FBXL13: variants seen among roughly 807,000 people sequenced by gnomAD.
FBXL13 encodes F-box and leucine-rich repeat protein 13.
Under a neutral mutation model 83.6 loss-of-function variants are expected in FBXL13, and 67 were observed. The observed-to-expected ratio is 0.80, with a 90% confidence interval of 0.66 to 0.98. The LOEUF is 0.98. Among genes scored for constraint, FBXL13 ranks in the 50% least tolerant of loss-of-function variants. FBXL13 has a pLI of 0.00. For missense variants in FBXL13, 822 were observed against 866.5 expected (o/e 0.95, Z 0.64); for synonymous variants, 272 against 299.5 (o/e 0.91, Z 0.95).
chr7:102,961,292 CTCT>C (rs1285698269), intron 8 of FBXL13, among the ~76,000 whole-genome samples: 8 of 143,150 alleles, frequency 5.6e-5, no homozygotes, highest in African/African-American at 2.1e-4. Context: ...CGTGAAGGAC[CTCT>C]TCAAGGAGAA....
chr7:103,022,082 A>G (rs1563231406), intron 6 of FBXL13, among the ~76,000 whole-genome samples: 1 of 152,212 alleles, frequency 6.6e-6, no homozygotes, highest in Non-Finnish European at 1.5e-5. Flanking sequence ...AACCAACCCA[A>G]ATGTCCAACA....
chr7:103,062,411 T>C (rs981304563), intron 1 of FBXL13, among the ~76,000 whole-genome samples: 2 of 152,192 alleles, frequency 1.3e-5, no homozygotes, highest in East Asian at 3.9e-4. Flanking sequence ...CTTAATAATC[T>C]CTTTCAAAAC....
At chr7:102,894,438 A>C (rs149711167) in intron 11 of FBXL13, among the ~76,000 whole-genome samples, 1 of 152,264 alleles carries the variant, frequency 6.6e-6, no homozygotes, top group East Asian at 1.9e-4. Flanking sequence ...TTGGTGAAAA[A>C]ATAGAGTGCA....
Position 102,933,839 on chromosome 7 carries a change from A to C in FBXL13, c.725-1906T>G, listed in dbSNP as rs1819690605. ...AGAACTGCATTAGTTAAGATTACCC[A>C]GACTTGGATTTCAAAGGAATACTTT... On this transcript the variant is annotated intron_variant, in intron 8 of 19. Coordinates refer to ENST00000313221, the Ensembl canonical transcript of FBXL13. 6.3e-6 allele frequency: 9 copies of C among 1,439,520 alleles called. No homozygotes were observed. In the East Asian group the frequency reaches 2.2e-4, roughly 36 times the overall value. The allele number at this position is 1,439,520 out of a possible 1,614,324, so 89.2% of individuals were successfully genotyped here.
chr7:103,068,487 C>T (rs540540339), intron 1 of FBXL13, among the ~76,000 whole-genome samples: 1 of 152,234 alleles, frequency 6.6e-6, no homozygotes, highest in Non-Finnish European at 1.5e-5. Flanking sequence ...GACCCTGCTA[C>T]AACAACTAGA....
At chr7:102,976,819 AC>A (rs1827539362) in intron 6 of FBXL13, among the ~76,000 whole-genome samples, 1 of 152,166 alleles carries the variant, frequency 6.6e-6, no homozygotes, top group Non-Finnish European at 1.5e-5. Flanking sequence ...CTGTTAAAAA[AC>A]CAGATGGAAC....
intron 17 of FBXL13, among the ~76,000 whole-genome samples, chr7:102,846,627 A>G (rs907030085): frequency 5.9e-5 from 9 of 152,012 alleles, no homozygotes; most frequent in African/African-American, 2.2e-4. Context: ...AAAAAAAAAA[A>G]AAAAATCTGA....
At chr7:102,913,702 T>C (rs1227232050) in intron 10 of FBXL13, among the ~76,000 whole-genome samples, 6 of 152,252 alleles carry the variant, frequency 3.9e-5, no homozygotes, top group Non-Finnish European at 7.3e-5. Flanking sequence ...CAAAACTGAA[T>C]ATGACCATGC....
intron 1 of FBXL13, among the ~76,000 whole-genome samples, chr7:103,072,758 T>A (rs1211792845): frequency 6.6e-6 from 1 of 152,212 alleles, no homozygotes; most frequent in Non-Finnish European, 1.5e-5. Context: ...TTCACTCACC[T>A]CTTAGAGGAG....
chr7:102,928,184 G>A (rs114684606), intron 9 of FBXL13, among the ~76,000 whole-genome samples: 249 of 152,330 alleles, frequency 1.6e-3, no homozygotes, highest in African/African-American at 5.3e-3. Flanking sequence ...AGATTGAGAT[G>A]AGGAGGTAAT....
At chr7:103,041,025 A>C (rs1390670522) in intron 2 of FBXL13, among the ~76,000 whole-genome samples, 1 of 152,190 alleles carries the variant, frequency 6.6e-6, no homozygotes, top group Non-Finnish European at 1.5e-5. Flanking sequence ...TCGAAAAACC[A>C]ATGTATCCAG....
chr7:102,904,619 TCTC>T (rs1331440106), intron 11 of FBXL13, among the ~76,000 whole-genome samples: 1 of 152,090 alleles, frequency 6.6e-6, no homozygotes, highest in African/African-American at 2.4e-5. Context: ...TTCATTTACT[TCTC>T]CTCTGATCTT....
chr7:102,892,522 T>C (rs1178043939), intron 11 of FBXL13, among the ~76,000 whole-genome samples: 3 of 152,202 alleles, frequency 2.0e-5, no homozygotes, highest in Non-Finnish European at 2.9e-5. Context: ...CACAAACCAT[T>C]CCTCTAACAG....
At chr7:103,055,696 A>C in exon 2 of FBXL13, 1 of 1,286,786 alleles carries the variant, frequency 7.8e-7, no homozygotes, top group Non-Finnish European at 1.0e-6. Flanking sequence ...ATTCCCTCTA[A>C]ATACCTCAGC....
intron 6 of FBXL13, among the ~76,000 whole-genome samples, chr7:102,975,107 G>A (rs542879956): frequency 7.9e-5 from 12 of 151,836 alleles, no homozygotes; most frequent in South Asian, 2.1e-4. Flanking sequence ...ACCCATACTC[G>A]CTCAGGCACC....
intron 11 of FBXL13, among the ~76,000 whole-genome samples, chr7:102,909,097 G>A (rs1351054106): frequency 6.6e-6 from 1 of 152,184 alleles, no homozygotes; most frequent in African/African-American, 2.4e-5. Context: ...CGGCTGAGCT[G>A]GCATGCAAAC....
intron 8 of FBXL13, among the ~76,000 whole-genome samples, chr7:102,962,513 G>T (rs1264178338): frequency 6.6e-6 from 1 of 152,090 alleles, no homozygotes; most frequent in African/African-American, 2.4e-5. Flanking sequence ...AAATCATGCT[G>T]CTATAAAGAC....
chr7:102,907,494 C>G (rs928657978), intron 11 of FBXL13, among the ~76,000 whole-genome samples: 1 of 151,302 alleles, frequency 6.6e-6, no homozygotes, highest in Non-Finnish European at 1.5e-5. Flanking sequence ...CAACAGGCCC[C>G]GGTGTGTGAT....
chr7:102,950,333 G>A (rs964240130), intron 8 of FBXL13, among the ~76,000 whole-genome samples: 4 of 152,172 alleles, frequency 2.6e-5, no homozygotes, highest in African/African-American at 9.7e-5. Context: ...TGCTGATGAC[G>A]ATGTAAAGCA....
Sources: allele counts gnomAD v4.1 joint callset (sites outside exome capture counted in the v4.1 genomes callset), GRCh38; gene constraint gnomAD v4.1.1; transcripts MANE v1.5; gene names NCBI Gene and HGNC (gene_info 2026-07-23, HGNC 2026-07-21).